The following SPADH variants were observed in gnomAD, a reference collection of about 807,000 sequenced individuals.
SPADH encodes the protein CUB domain-containing protein.
At chr10:122,678,843 C>T in the SPADH span, 1 of 977,904 alleles carries the variant, frequency 1.0e-6, no homozygotes, top group South Asian at 4.7e-5. Context: ...TTCTTCTGAC[C>T]CAGAGGATTC....
the SPADH span, among the ~76,000 whole-genome samples, chr10:122,674,526 A>T: frequency 6.6e-6 from 1 of 152,196 alleles, no homozygotes; most frequent in Non-Finnish European, 1.5e-5. Context: ...TTCCAGAGCC[A>T]ACTTGATAGA....
the SPADH span, among the ~76,000 whole-genome samples, chr10:122,677,362 T>G: frequency 1.2e-4 from 19 of 152,232 alleles, no homozygotes. Flanking sequence ...TTCCTGACTC[T>G]CTGCAGAGGA....
chr10:122,676,431 G>T, the SPADH span, among the ~76,000 whole-genome samples: 1 of 152,224 alleles, frequency 6.6e-6, no homozygotes, highest in Non-Finnish European at 1.5e-5. Context: ...GAAATGGAAA[G>T]ATAGTGTTTG....
chr10:122,676,966 G>T, the SPADH span: 1 of 940,958 alleles, frequency 1.1e-6, no homozygotes, highest in African/African-American at 1.8e-5. Flanking sequence ...ACCTCATATG[G>T]TTCACCTTCC....
chr10:122,676,858 G>T, the SPADH span: 1 of 985,318 alleles, frequency 1.0e-6, no homozygotes, highest in African/African-American at 1.7e-5. Flanking sequence ...TTGAACCCCG[G>T]GGAGATAGTC....
the SPADH span, among the ~76,000 whole-genome samples, chr10:122,677,874 G>C: frequency 6.6e-6 from 1 of 152,188 alleles, no homozygotes; most frequent in South Asian, 2.1e-4. Flanking sequence ...ACCCAGATGG[G>C]GAAACAAGGA....
chr10:122,673,391 G>T, the SPADH span, among the ~76,000 whole-genome samples: 6 of 152,218 alleles, frequency 3.9e-5, no homozygotes, highest in Admixed American at 3.9e-4. Flanking sequence ...CCCACAGCAG[G>T]AGGGAGCTCT....
At chr10:122,675,882 C>T in the SPADH span, among the ~76,000 whole-genome samples, 1 of 152,174 alleles carries the variant, frequency 6.6e-6, no homozygotes, top group Admixed American at 6.5e-5. Flanking sequence ...CCAACTTCCC[C>T]AACACCTCCA....
At chr10:122,675,821 T>A in the SPADH span, among the ~76,000 whole-genome samples, 1 of 152,184 alleles carries the variant, frequency 6.6e-6, no homozygotes, top group Admixed American at 6.5e-5. Context: ...GCCTTCATAA[T>A]CGCTAATTCC....
At chr10:122,678,793 G>A in the SPADH span, 1 of 530,860 alleles carries the variant, frequency 1.9e-6, no homozygotes, top group Non-Finnish European at 2.4e-6. Flanking sequence ...GGAGGTGGCA[G>A]CCTGGCTGGA....
the SPADH span, among the ~76,000 whole-genome samples, chr10:122,673,499 G>C: frequency 1.3e-5 from 2 of 152,188 alleles, no homozygotes; most frequent in African/African-American, 4.8e-5. Flanking sequence ...CTGGAAGAGG[G>C]GGAGTCACTT....
the SPADH span, chr10:122,678,977 T>G: frequency 2.0e-6 from 2 of 985,120 alleles, no homozygotes. Flanking sequence ...CATCAAGTAC[T>G]CCAGAGAACC....
At chr10:122,679,207 C>A in the SPADH span, among the ~76,000 whole-genome samples, 1 of 152,116 alleles carries the variant, frequency 6.6e-6, no homozygotes, top group African/African-American at 2.4e-5. Flanking sequence ...GAATGTGACC[C>A]TGTGACCCTT....
At chr10:122,673,521 G>C in the SPADH span, among the ~76,000 whole-genome samples, 7 of 152,300 alleles carry the variant, frequency 4.6e-5, no homozygotes, top group African/African-American at 1.7e-4. Context: ...CCCTCTAGAG[G>C]GCTGGACCCT....
the SPADH span, among the ~76,000 whole-genome samples, chr10:122,678,627 T>G: frequency 6.6e-6 from 1 of 152,124 alleles, no homozygotes; most frequent in African/African-American, 2.4e-5. Context: ...CCTGCTGCCC[T>G]GGTGGAGGTG....
At chr10:122,673,908 T>C in the SPADH span, among the ~76,000 whole-genome samples, 1 of 152,184 alleles carries the variant, frequency 6.6e-6, no homozygotes, top group African/African-American at 2.4e-5. Context: ...CAGCTCCACA[T>C]GGCTGCCTCT....
chr10:122,676,961 A>G, the SPADH span: 2 of 960,224 alleles, frequency 2.1e-6, no homozygotes, highest in Non-Finnish European at 1.2e-6. Flanking sequence ...TCTTGACCTC[A>G]TATGGTTCAC....
At chr10:122,676,960 C>T in the SPADH span, 2 of 957,106 alleles carry the variant, frequency 2.1e-6, no homozygotes, top group Non-Finnish European at 2.5e-6. Context: ...ATCTTGACCT[C>T]ATATGGTTCA....
the SPADH span, chr10:122,676,845 G>A: frequency 3.0e-6 from 3 of 985,132 alleles, no homozygotes; most frequent in Admixed American, 1.2e-4. Context: ...CTGGATCATC[G>A]AGTTGAACCC....
Sources: allele counts gnomAD v4.1 joint callset (sites outside exome capture counted in the v4.1 genomes callset), GRCh38; gene constraint gnomAD v4.1.1; transcripts MANE v1.5; gene names NCBI Gene and HGNC (gene_info 2026-07-23, HGNC 2026-07-21).